The following RBFOX1 variants were observed in gnomAD, a reference collection of about 807,000 sequenced individuals.
RBFOX1 encodes the protein RNA binding protein fox-1 homolog 1.
Under a neutral mutation model 57.7 loss-of-function variants are expected in RBFOX1, and 8 were observed. The ratio of observed to expected loss-of-function variants is 0.14; its 90% CI spans 0.08 to 0.25. The LOEUF (loss-of-function observed/expected upper bound fraction) is 0.25. Ranked by LOEUF, RBFOX1 falls within the 10% of genes least tolerant of loss-of-function variation. The probability of loss-of-function intolerance (pLI) is 1.00; values close to 1 mark genes in which losing one functional copy is unlikely to be tolerated. For missense variants in RBFOX1, 611 were observed against 548.5 expected, an observed-to-expected ratio of 1.11 and a Z score of -1.14; for synonymous variants, 326 against 222.4, an observed-to-expected ratio of 1.47 and a Z score of -4.15.
chr16:6,696,811 G>C (rs1478776505), intron 3 of RBFOX1, among the ~76,000 whole-genome samples: 1 of 152,114 alleles, frequency 6.6e-6, no homozygotes, highest in Admixed American at 6.5e-5. Context: ...GTGAGAAGTA[G>C]AATAACATTT....
chr16:5,562,537 GGGTT>G, intron 2 of RBFOX1, among the ~76,000 whole-genome samples: 1 of 152,086 alleles, frequency 6.6e-6, no homozygotes, highest in Non-Finnish European at 1.5e-5. Context: ...AAGACCCCAG[GGGTT>G]GGTCTTGGGA....
At chr16:7,043,087 C>A (rs2046716252) in intron 3 of RBFOX1, among the ~76,000 whole-genome samples, 1 of 126,274 alleles carries the variant, frequency 7.9e-6, no homozygotes, top group South Asian at 2.5e-4. Context: ...CTGTGCCATT[C>A]ACGGTATCTT....
chr16:5,538,853 C>G (rs2044813243), intron 2 of RBFOX1, among the ~76,000 whole-genome samples: 2 of 152,044 alleles, frequency 1.3e-5, no homozygotes, highest in Non-Finnish European at 2.9e-5. Context: ...TTCTCGATCT[C>G]CTGACATCAT....
intron 4 of RBFOX1, among the ~76,000 whole-genome samples, chr16:5,900,117 C>T (rs745591057): frequency 1.1e-4 from 16 of 152,156 alleles, no homozygotes; most frequent in Non-Finnish European, 2.2e-4. Context: ...TCTTCAACAA[C>T]GTTGTCTATG....
Position 7,064,987 on chromosome 16 carries a change from C to G in RBFOX1, c.27+12889C>G, listed in dbSNP as rs145925837. Among the ~76,000 whole-genome samples, 4 of 152,258 alleles carry G rather than the reference C, an allele frequency of 2.6e-5. No homozygotes were observed. The East Asian group carries it at 7.7e-4, about 29-fold the overall frequency. On this transcript the variant is annotated intron_variant, in intron 4 of 15. Transcript: ENST00000550418. ...GTCCTTGGCTCCCTGTGTGTCACCA[C>G]CACATACAACAAATCAGATGGACGC...
At chr16:5,346,736 A>G (rs906264859) in intron 1 of RBFOX1, among the ~76,000 whole-genome samples, 4 of 152,134 alleles carry the variant, frequency 2.6e-5, no homozygotes, top group African/African-American at 9.7e-5. Context: ...GGAAGGATGT[A>G]ACGGTTAAGA....
At chr16:7,035,605 A>T (rs1193080914) in intron 3 of RBFOX1, among the ~76,000 whole-genome samples, 3 of 152,074 alleles carry the variant, frequency 2.0e-5, no homozygotes, top group Non-Finnish European at 2.9e-5. Context: ...GTTTATTATT[A>T]TTATTATTTT....
chr16:7,166,794 G>A (rs950763688), intron 4 of RBFOX1, among the ~76,000 whole-genome samples: 1 of 151,964 alleles, frequency 6.6e-6, no homozygotes. Context: ...GACAGCCAAA[G>A]GAGTGCTGCT....
chr16:5,954,108 C>T (rs1036818195), intron 4 of RBFOX1, among the ~76,000 whole-genome samples: 15 of 152,310 alleles, frequency 9.8e-5, no homozygotes, highest in Non-Finnish European at 1.8e-4. Flanking sequence ...TCGAGAATGA[C>T]GCAGTCCAAA....
chr16:7,075,920 A>G (rs1029650622), intron 4 of RBFOX1, among the ~76,000 whole-genome samples: 2 of 151,878 alleles, frequency 1.3e-5, no homozygotes, highest in Non-Finnish European at 2.9e-5. Context: ...CCTGTAACTG[A>G]ATAACCATGG....
intron 4 of RBFOX1, among the ~76,000 whole-genome samples, chr16:7,437,763 G>C (rs192050184): frequency 1.3e-5 from 2 of 152,164 alleles, no homozygotes; most frequent in East Asian, 3.9e-4. Context: ...ACTGCTCGAC[G>C]TGGCAAAGAT....
chr16:7,401,580 A>G (rs890408793), intron 4 of RBFOX1, among the ~76,000 whole-genome samples: 6 of 152,214 alleles, frequency 3.9e-5, no homozygotes, highest in African/African-American at 1.2e-4. Context: ...ATTTTTCCCT[A>G]TGTTGTTTAT....
chr16:5,957,387 G>T (rs565062801), intron 4 of RBFOX1, among the ~76,000 whole-genome samples: 17 of 152,014 alleles, frequency 1.1e-4, no homozygotes, highest in African/African-American at 3.9e-4. Context: ...GCTAATTTTT[G>T]TATTTTTAGT....
intron 2 of RBFOX1, among the ~76,000 whole-genome samples, chr16:6,333,625 A>G (rs973821673): frequency 6.6e-6 from 1 of 152,220 alleles, no homozygotes; most frequent in Admixed American, 6.5e-5. Flanking sequence ...TCTTAAAATT[A>G]AAAAATATAT....
At chr16:5,653,921 C>G (rs1476459067) in intron 3 of RBFOX1, among the ~76,000 whole-genome samples, 1 of 152,188 alleles carries the variant, frequency 6.6e-6, no homozygotes, top group African/African-American at 2.4e-5. Flanking sequence ...AAGTCAGTGT[C>G]TGCTCGTCTA....
intron 4 of RBFOX1, among the ~76,000 whole-genome samples, chr16:7,447,288 C>G (rs182626450): frequency 6.6e-6 from 1 of 151,786 alleles, no homozygotes; most frequent in Non-Finnish European, 1.5e-5. Context: ...CAAAAATTAG[C>G]CAGCTGTGGT....
chr16:5,415,679 A>G (rs566002682), intron 1 of RBFOX1, among the ~76,000 whole-genome samples: 13 of 152,342 alleles, frequency 8.5e-5, no homozygotes, highest in Admixed American at 2.0e-4. Context: ...CTGGTTTTCT[A>G]TTCACAGTAG....
chr16:6,239,835 A>C (rs183684991), intron 1 of RBFOX1, among the ~76,000 whole-genome samples: 12 of 152,198 alleles, frequency 7.9e-5, no homozygotes, highest in African/African-American at 2.6e-4. Flanking sequence ...TTTTGAATTG[A>C]TACGACAGAC....
At chr16:7,388,323 A>G (rs2097919077) in intron 4 of RBFOX1, among the ~76,000 whole-genome samples, 1 of 152,220 alleles carries the variant, frequency 6.6e-6, no homozygotes, top group Non-Finnish European at 1.5e-5. Context: ...CCTGAATACA[A>G]GTGGCAATGA....
Sources: gnomAD v4.1 joint callset for allele counts (sites outside exome capture counted in the v4.1 genomes callset) on GRCh38, gnomAD v4.1.1 for gene constraint, MANE v1.5 for transcripts, NCBI Gene and HGNC (gene_info 2026-07-23, HGNC 2026-07-21) for gene names.